Variants in DOK6 observed in about 807,000 individuals in gnomAD.
DOK6 encodes the protein docking protein 6.
In DOK6, 22 loss-of-function variants were observed where a neutral mutation model predicts 44.0. The observed-to-expected ratio is 0.50, with a 90% CI of 0.36 to 0.71. DOK6 has a LOEUF of 0.71. Ranked by LOEUF, DOK6 falls within the 30% of genes least tolerant of loss-of-function variation. The pLI is 0.00. For synonymous variants in DOK6, 166 were observed against 145.5 expected (o/e 1.14, Z -1.01); for missense variants, 340 against 416.4 (o/e 0.82, Z 1.60).
intron 3 of DOK6, among the ~76,000 whole-genome samples, chr18:69,612,828 G>T (rs1480638999): frequency 4.0e-5 from 6 of 151,870 alleles, no homozygotes; most frequent in Non-Finnish European, 8.8e-5. Context: ...TTATCTTAAT[G>T]ATATATTTAT....
intron 5 of DOK6, among the ~76,000 whole-genome samples, chr18:69,700,206 C>CATATATATATATATAT (rs1317738197): frequency 1.4e-5 from 1 of 72,136 alleles, no homozygotes; most frequent in African/African-American, 4.6e-5. Flanking sequence ...GTTAGTTTTA[C>CATATATATATATATAT]ATATATATAC....
At chr18:69,622,157 G>A in intron 3 of DOK6, among the ~76,000 whole-genome samples, 1 of 152,106 alleles carries the variant, frequency 6.6e-6, no homozygotes. Flanking sequence ...ATTTTCCAAA[G>A]AAATCCTTTC....
chr18:69,495,622 C>T (rs1980861726), intron 1 of DOK6, among the ~76,000 whole-genome samples: 1 of 152,198 alleles, frequency 6.6e-6, no homozygotes, highest in African/African-American at 2.4e-5. Context: ...GTTCCCACTC[C>T]TGTCAGCGGG....
At chr18:69,581,396 T>C (rs1310705109) in intron 2 of DOK6, among the ~76,000 whole-genome samples, 1 of 152,244 alleles carries the variant, frequency 6.6e-6, no homozygotes, top group Non-Finnish European at 1.5e-5. Context: ...GTGCTTACAC[T>C]GTCATTTTAG....
chr18:69,416,687 G>T (rs148045657), intron 1 of DOK6, among the ~76,000 whole-genome samples: 19 of 152,226 alleles, frequency 1.2e-4, no homozygotes, highest in African/African-American at 4.6e-4. Context: ...CATCCTGGAA[G>T]TTTTCTACTG....
intron 2 of DOK6, among the ~76,000 whole-genome samples, chr18:69,573,485 G>T (rs566772284): frequency 6.6e-6 from 1 of 152,012 alleles, no homozygotes; most frequent in South Asian, 2.1e-4. Context: ...CATTGGAAAG[G>T]TAATTCACTT....
At chr18:69,530,108 A>G (rs990826875) in intron 1 of DOK6, among the ~76,000 whole-genome samples, 3 of 152,162 alleles carry the variant, frequency 2.0e-5, no homozygotes, top group Non-Finnish European at 2.9e-5. Flanking sequence ...TATTATTACC[A>G]TCTTAGAGAG....
chr18:69,436,219 G>A (rs1191699020), intron 1 of DOK6, among the ~76,000 whole-genome samples: 1 of 150,238 alleles, frequency 6.7e-6, no homozygotes, highest in African/African-American at 2.5e-5. Flanking sequence ...TGCAGAACGT[G>A]CAGGTTTGTT....
Position 69,841,487 on chromosome 18 carries a change from A to G in DOK6, c.*104A>G, listed in dbSNP as rs985175950. On this transcript the variant is annotated 3_prime_UTR_variant, in exon 8 of 8. Coordinates refer to ENST00000382713, the MANE Select transcript of DOK6 (RefSeq NM_152721.6). ...AAGACCAATTGCAGTACAAATTGAA[A>G]TGGGTCGGCTCTAGCCCCAGTCCCA... 1 of 1,501,352 alleles carries G rather than the reference A, an allele frequency of 6.7e-7. No homozygotes were observed. 93.0% of individuals were successfully genotyped at this position (1,501,352 alleles called of 1,614,324 possible).
At chr18:69,746,945 A>G (rs1049751663) in intron 6 of DOK6, among the ~76,000 whole-genome samples, 1 of 152,188 alleles carries the variant, frequency 6.6e-6, no homozygotes, top group African/African-American at 2.4e-5. Context: ...GAGATCCAGT[A>G]ATGTATTTTA....
chr18:69,492,457 A>ATGT (rs1980762647), intron 1 of DOK6, among the ~76,000 whole-genome samples: 3 of 151,742 alleles, frequency 2.0e-5, no homozygotes, highest in Non-Finnish European at 2.9e-5. Context: ...GGTTCAGGGC[A>ATGT]TAGATGTGCA....
At chr18:69,568,602 G>A (rs888501792) in intron 2 of DOK6, among the ~76,000 whole-genome samples, 2 of 152,178 alleles carry the variant, frequency 1.3e-5, no homozygotes, top group South Asian at 2.1e-4. Flanking sequence ...AACTACCAGG[G>A]CATGAACCAG....
At chr18:69,426,372 T>TA (rs1374018952) in intron 1 of DOK6, among the ~76,000 whole-genome samples, 4 of 152,174 alleles carry the variant, frequency 2.6e-5, no homozygotes, top group Non-Finnish European at 5.9e-5. Flanking sequence ...AAGATTTGAA[T>TA]AAAAAATTCA....
chr18:69,541,401 G>A (rs1304627515), intron 1 of DOK6, among the ~76,000 whole-genome samples: 1 of 151,418 alleles, frequency 6.6e-6, no homozygotes, highest in Admixed American at 6.6e-5. Context: ...CATTGATGAT[G>A]TATGTATATT....
chr18:69,841,963 C>CAT lies in DOK6; in HGVS notation c.*580_*581insAT, dbSNP rs143503551. On this transcript the variant is annotated 3_prime_UTR_variant, in exon 8 of 8. Coordinates refer to ENST00000382713, the MANE Select transcript of DOK6 (RefSeq NM_152721.6). ...GTAGCTCTACTCGTGTGTGTGTGTG[C>CAT]GTGTGTGTGTGTGTGTGTAGACAAA... The CAT allele has an allele frequency of 2.0e-5, 3 of 150,130 alleles. No homozygotes were observed. The highest frequency in any genetic ancestry group is 7.4e-5 in the African/African-American group (3 of 40,602). The allele number at this position is 150,130 out of a possible 1,614,324, so 9.3% of individuals were successfully genotyped here.
chr18:69,662,063 TC>T (rs1985541493), intron 3 of DOK6: 1 of 151,742 alleles, frequency 6.6e-6, no homozygotes, highest in Non-Finnish European at 1.5e-5. Context: ...CACTGCAACC[TC>T]CCCCTGCCAG....
At chr18:69,673,780 T>C (rs1985861176) in intron 3 of DOK6, among the ~76,000 whole-genome samples, 1 of 152,228 alleles carries the variant, frequency 6.6e-6, no homozygotes, top group Non-Finnish European at 1.5e-5. Flanking sequence ...AATTAAAAAT[T>C]TGAACATAGC....
At chr18:69,826,532 C>A (rs1981746182) in intron 7 of DOK6, among the ~76,000 whole-genome samples, 1 of 152,118 alleles carries the variant, frequency 6.6e-6, no homozygotes, top group Non-Finnish European at 1.5e-5. Flanking sequence ...GGTTGCTAAA[C>A]CCACCTAGAA....
chr18:69,687,525 C>A (rs1426180920), intron 4 of DOK6, among the ~76,000 whole-genome samples: 1 of 151,956 alleles, frequency 6.6e-6, no homozygotes, highest in Non-Finnish European at 1.5e-5. Flanking sequence ...TTACTAACAA[C>A]ACAAAAATTA....
Sources: gnomAD v4.1 joint callset for allele counts (sites outside exome capture counted in the v4.1 genomes callset) on GRCh38, gnomAD v4.1.1 for gene constraint, MANE v1.5 for transcripts, NCBI Gene and HGNC (gene_info 2026-07-23, HGNC 2026-07-21) for gene names.